The following NONO variants were observed in gnomAD, a reference collection of about 807,000 sequenced individuals.
The protein encoded by NONO is non-POU domain-containing octamer-binding protein.
NONO carries 6 observed loss-of-function variants against 40.2 expected under a neutral mutation model. That is an observed-to-expected ratio of 0.15 (90% CI 0.08 to 0.29). The LOEUF is 0.29. NONO is among the 10% of genes least tolerant of loss of function. NONO has a pLI of 1.00. For synonymous variants in NONO, 89 were observed against 123.3 expected (o/e 0.72, Z 1.85); for missense variants, 133 against 397.8 (o/e 0.33, Z 5.66).
At chrX:71,292,056 A>T in intron 4 of NONO, 84 bp downstream of exon 4, 1 of 651,947 alleles carries the variant, frequency 1.5e-6, no homozygotes, top group South Asian at 4.1e-5. Context: ...AGGCAGTGGA[A>T]ATAATTCTCA....
intron 2 of NONO, among the ~76,000 whole-genome samples, chrX:71,287,187 G>A (rs2031209316): frequency 9.0e-6 from 1 of 111,424 alleles, no homozygotes; most frequent in African/African-American, 3.3e-5. Flanking sequence ...TTCAAGTGAT[G>A]CTCCTGCCTC....
intron 4 of NONO, chrX:71,293,180 T>G (rs1040437347): frequency 1.8e-5 from 2 of 112,009 alleles, no homozygotes; most frequent in Non-Finnish European, 3.8e-5. Context: ...GCCAAGTCAT[T>G]TTTCTCTGGG....
At position 71,290,680 on chromosome X, in the gene NONO, A is replaced by G. The variant is rs775392540; in HGVS notation, c.43A>G (p.Thr15Ala). Reference protein sequence around the residue: ...KTFNLEKQNHTPRKHHQHHHQ... With the variant: ...KTFNLEKQNHAPRKHHQHHHQ... Reference sequence around the variant, plus strand: ...TTTTAACTTGGAGAAGCAAAACCATACTCCAAGAAAGCATCATCAACATCA... The same window carrying G: ...TTTTAACTTGGAGAAGCAAAACCATGCTCCAAGAAAGCATCATCAACATCA... Residue 15 changes from threonine to alanine, a missense_variant, in exon 3 of 12, where the codon ACT becomes GCT. This residue lies in a region of NONO where 28 missense variants were observed against 29.5 expected (regional missense o/e 0.95). Transcript: ENST00000276079. The G allele has an allele frequency of 1.4e-5, 17 of 1,207,545 alleles. No individual in the cohort carries two copies. The highest frequency in any genetic ancestry group is 1.9e-5 in the Non-Finnish European group (17 of 893,936).
At chrX:71,291,090 G>A (rs1683847294) in intron 3 of NONO, among the ~76,000 whole-genome samples, 1 of 112,354 alleles carries the variant, frequency 8.9e-6, no homozygotes, top group South Asian at 3.6e-4. Flanking sequence ...TCAGATGACT[G>A]GTAGTTAAAA....
At chrX:71,292,134 T>A (rs1412548080) in intron 4 of NONO, 162 bp downstream of exon 4, 1 of 390,128 alleles carries the variant, frequency 2.6e-6, no homozygotes, top group Non-Finnish European at 4.2e-6. Flanking sequence ...TTTTTCCTCA[T>A]AAGTTTTGTT....
intron 11 of NONO, 134 bp downstream of exon 11, chrX:71,298,950 T>G: frequency 4.2e-6 from 2 of 480,794 alleles, no homozygotes; most frequent in South Asian, 6.4e-5. Context: ...AGACAGAGTT[T>G]CCCTCTTGTT....
intron 2 of NONO, 90 bp from the exon 3 acceptor site, chrX:71,290,539 A>G: frequency 2.8e-6 from 2 of 705,231 alleles, no homozygotes; most frequent in Non-Finnish European, 4.3e-6. Flanking sequence ...CAGAGCACTT[A>G]AGGTGATGAA....
Position 71,298,486 on chromosome X carries a change from G to A in NONO, c.1149G>A (p.Arg383=). 1 of 1,210,267 alleles carries A rather than the reference G, an allele frequency of 8.3e-7. No homozygotes were observed. Among genetic ancestry groups the A allele is most frequent in the Non-Finnish European group, 1.1e-6 (1 of 894,113 alleles). ...TFPDAREQEI[R]MGQMAMGGAM... Reference sequence around the variant, plus strand: ...TTTTTCAGAGAGAGCAGGAGATTCGGATGGGTCAGATGGCTATGGGAGGTA... The same window carrying A: ...TTTTTCAGAGAGAGCAGGAGATTCGAATGGGTCAGATGGCTATGGGAGGTA... Residue 383 remains arginine (R), a synonymous_variant, in exon 10 of 12, where the codon CGG becomes CGA. Coordinates refer to ENST00000276079, the MANE Select transcript of NONO (RefSeq NM_007363.5).
chrX:71,291,026 C>T (rs2031315689), intron 3 of NONO, among the ~76,000 whole-genome samples: 1 of 112,689 alleles, frequency 8.9e-6, no homozygotes, highest in Non-Finnish European at 1.9e-5. Flanking sequence ...ACACATTCTA[C>T]TGTTAAACAG....
chrX:71,298,123 GA>G, intron 9 of NONO, 185 bp downstream of exon 9: 1 of 438,437 alleles, frequency 2.3e-6, no homozygotes. Context: ...AATATAGGAT[GA>G]AAAACTGGGT....
chrX:71,284,585 T>C (rs972223703), intron 2 of NONO, 132 bp downstream of exon 2: 1 of 111,943 alleles, frequency 8.9e-6, no homozygotes, highest in African/African-American at 3.2e-5. Context: ...AATTTAATTG[T>C]GGGTTGTGTA....
At position 71,300,092 on chromosome X, in the gene NONO, A is replaced by G; in HGVS notation, c.*16A>G. 8.3e-7 allele frequency: 1 copy of G among 1,209,179 alleles called. No homozygotes were observed. Among genetic ancestry groups the G allele is most frequent in the Non-Finnish European group, 1.1e-6 (1 of 894,306 alleles). ...CCGATACTAATAAGTTGCAGTGTCT[A>G]GTTTCTCAAAACCCTTAAAAGAAGG... On this transcript the variant is annotated 3_prime_UTR_variant, in exon 12 of 12. Coordinates refer to ENST00000276079, the MANE Select transcript of NONO (RefSeq NM_007363.5).
intron 2 of NONO, among the ~76,000 whole-genome samples, chrX:71,285,608 TA>T (rs1333609361): frequency 8.9e-6 from 1 of 112,372 alleles, no homozygotes; most frequent in African/African-American, 3.2e-5. Context: ...AGTAGTTTAG[TA>T]AAGTAGTACA....
intron 6 of NONO, 81 bp downstream of exon 6, chrX:71,296,741 C>T: frequency 2.0e-6 from 2 of 998,728 alleles, no homozygotes; most frequent in Non-Finnish European, 2.8e-6. Flanking sequence ...AGAGGCAGGT[C>T]TTTGCTGCAC....
At chrX:71,298,406 T>C (rs2031499628) in intron 9 of NONO, 63 bp from the exon 10 acceptor site, 1 of 992,331 alleles carries the variant, frequency 1.0e-6, no homozygotes, top group Non-Finnish European at 1.4e-6. Context: ...TGTGTGGTCC[T>C]TGATGGATTG....
intron 5 of NONO, among the ~76,000 whole-genome samples, chrX:71,295,322 T>TA (rs1317492469): frequency 9.3e-6 from 1 of 106,961 alleles, no homozygotes; most frequent in Non-Finnish European, 1.9e-5. Flanking sequence ...CCGTCTCTAC[T>TA]AAAAAATACA....
rs2031313329 is a variant in NONO, at chrX:71,290,929, A to C, written c.154+138A>C. On this transcript the variant is annotated intron_variant, in intron 3 of 11. Transcript: ENST00000276079. The stretch of plus-strand genomic sequence containing the variant: ...TGTTCTTTTTTCTCTTTACCTCTTA[A>C]TACTTACGATGGAAAAGGCTGATTC... The C allele has an allele frequency of 4.3e-6, 3 of 698,967 alleles. No individual in the cohort carries two copies. In the Admixed American group the frequency reaches 1.4e-4, roughly 32 times the overall value. 57.6% of individuals were successfully genotyped at this position (698,967 alleles called of 1,213,427 possible).
Position 71,297,957 on chromosome X carries a change from C to T in NONO, c.1131+19C>T, listed in dbSNP as rs779009015. The T allele has an allele frequency of 1.4e-5, 15 of 1,036,453 alleles. No homozygotes were observed. The highest frequency in any genetic ancestry group is 7.8e-5 in the South Asian group (4 of 51,611). 85.4% of individuals were successfully genotyped at this position (1,036,453 alleles called of 1,213,427 possible). On this transcript the variant is annotated intron_variant, in intron 9 of 11. Transcript: ENST00000276079. ...TGATGCGGTATATCTCCCATGTGCC[C>T]GTGATGTACCAGACCAGTCCTGATA...
intron 5 of NONO, among the ~76,000 whole-genome samples, 186 bp from the exon 6 acceptor site, chrX:71,296,379 T>TG (rs774378691): frequency 9.0e-6 from 1 of 111,669 alleles, no homozygotes; most frequent in African/African-American, 3.2e-5. Context: ...CCCAAAGTGC[T>TG]GGGATTACAG....
Sources: allele counts gnomAD v4.1 joint callset (sites outside exome capture counted in the v4.1 genomes callset), GRCh38; gene constraint gnomAD v4.1.1; regional missense constraint gnomAD v4.1.1; transcripts MANE v1.5; gene names NCBI Gene and HGNC (gene_info 2026-07-23, HGNC 2026-07-21).